Variants in GRM3 observed in about 807,000 individuals in gnomAD.
GRM3 encodes metabotropic glutamate receptor 3.
In GRM3, 26 loss-of-function variants were observed where a neutral mutation model predicts 70.5. That is an observed-to-expected ratio of 0.37 (90% CI 0.27 to 0.51). The LOEUF (loss-of-function observed/expected upper bound fraction) is 0.51. GRM3 is among the 20% of genes least tolerant of loss of function. The pLI is 0.93. For missense variants in GRM3, 859 were observed against 1,123.8 expected, an observed-to-expected ratio of 0.76 and a Z score of 3.37; for synonymous variants, 443 against 434.9, an observed-to-expected ratio of 1.02 and a Z score of -0.23.
chr7:86,679,915 A>G (rs1794403286), intron 1 of GRM3, among the ~76,000 whole-genome samples: 1 of 152,236 alleles, frequency 6.6e-6, no homozygotes, highest in East Asian at 1.9e-4. Flanking sequence ...TTCAACATGA[A>G]CTTTGTTTTC....
chr7:86,842,100 C>A (rs1234353728), intron 4 of GRM3, among the ~76,000 whole-genome samples: 1 of 152,102 alleles, frequency 6.6e-6, no homozygotes, highest in East Asian at 1.9e-4. Context: ...AATATTGATA[C>A]CTGGGACACA....
intron 3 of GRM3, among the ~76,000 whole-genome samples, chr7:86,836,474 T>C (rs971689645): frequency 2.0e-5 from 3 of 152,200 alleles, no homozygotes; most frequent in Non-Finnish European, 4.4e-5. Context: ...TCTCAATATT[T>C]CACTAAGTAA....
chr7:86,820,948 T>C (rs1179023926), intron 3 of GRM3, among the ~76,000 whole-genome samples: 6 of 152,200 alleles, frequency 3.9e-5, no homozygotes, highest in Admixed American at 6.5e-5. Flanking sequence ...TCTTTCTTTC[T>C]TACTTCAAAG....
At chr7:86,654,223 T>G (rs1249780886) in intron 1 of GRM3, among the ~76,000 whole-genome samples, 1 of 152,096 alleles carries the variant, frequency 6.6e-6, no homozygotes, top group East Asian at 1.9e-4. Context: ...CAGCTTTACC[T>G]CCCAGGGGTT....
intron 1 of GRM3, among the ~76,000 whole-genome samples, chr7:86,726,742 C>G (rs1795601950): frequency 6.6e-6 from 1 of 152,180 alleles, no homozygotes; most frequent in Non-Finnish European, 1.5e-5. Flanking sequence ...TCTTTAAAGT[C>G]CCATTAACTT....
rs2116549861 is a variant in GRM3 at position 86,786,993 on chromosome 7, G to A, written c.1201G>A (p.Ala401Thr). ...MFVVNAVYAM[A>T]HALHKMQRTL... ...TGTGGTGAACGCGGTGTATGCCATG[G>A]CCCACGCTTTGCACAAAATGCAGCG... Residue 401 changes from alanine (A) to threonine (T), a missense_variant, in exon 3 of 6, where the codon GCC (alanine) becomes ACC (threonine). Physicochemically the swap from Ala to Thr is moderately conservative, Grantham distance 58. Coordinates refer to ENST00000361669, the MANE Select transcript of GRM3 (RefSeq NM_000840.3). The surrounding 1 kb of genome is among the most constrained non-coding windows in gnomAD (Gnocchi z 6.0). 2 of 1,614,086 alleles carry A rather than the reference G, an allele frequency of 1.2e-6. No individual in the cohort carries two copies. Among genetic ancestry groups the A allele is most frequent in the Non-Finnish European group, 8.5e-7 (1 of 1,179,992 alleles).
intron 1 of GRM3, among the ~76,000 whole-genome samples, chr7:86,706,982 T>C (rs1399123587): frequency 3.3e-5 from 5 of 152,050 alleles, no homozygotes; most frequent in African/African-American, 4.8e-5. Flanking sequence ...ATCGAACATA[T>C]CTCTGCTGCT....
intron 3 of GRM3, among the ~76,000 whole-genome samples, chr7:86,794,226 T>G (rs1397521385): frequency 6.6e-6 from 1 of 152,132 alleles, no homozygotes; most frequent in Non-Finnish European, 1.5e-5. Context: ...AAAACATAGT[T>G]TTTTCCACTT....
At chr7:86,844,102 G>A (rs751080580) in intron 4 of GRM3, among the ~76,000 whole-genome samples, 1 of 152,168 alleles carries the variant, frequency 6.6e-6, no homozygotes, top group Non-Finnish European at 1.5e-5. Flanking sequence ...AGAGTAGGCA[G>A]AGTCTTGGGA....
chr7:86,745,080 T>C (rs1796071640), intron 1 of GRM3, among the ~76,000 whole-genome samples: 1 of 152,112 alleles, frequency 6.6e-6, no homozygotes, highest in South Asian at 2.1e-4. Flanking sequence ...CTTACGGAAA[T>C]TTCCCTTCCA....
chr7:86,839,420 C>G lies in GRM3; in HGVS notation c.1906C>G (p.Pro636Ala). The stretch of plus-strand genomic sequence containing the variant: ...CATGACATTCTTCTTCATTGCCAAG[C>G]CATCACCAGTCATCTGTGCATTGCG... ...YCMTFFFIAKPSPVICALRRL... is the reference protein window; with the variant it reads ...YCMTFFFIAKASPVICALRRL... The change falls in exon 4 of 6, where the codon CCA becomes GCA. Residue 636 changes from proline (P) to alanine (A), a missense_variant. Physicochemically the swap from Pro to Ala is conservative, Grantham distance 27 (BLOSUM62 -1). Transcript: ENST00000361669. This position sits in a 1 kb window ranked among gnomAD's most constrained non-coding sequence, Gnocchi z 4.5. The G allele has an allele frequency of 6.2e-7, 1 of 1,613,904 alleles. No individual in the cohort carries two copies. Among genetic ancestry groups the G allele is most frequent in the Non-Finnish European group, 8.5e-7 (1 of 1,179,838 alleles).
Position 86,649,072 on chromosome 7 carries a change from A to G in GRM3, c.-141+4200A>G, listed in dbSNP as rs1793546383. ...TGGAAACACTCACGTGGATTAGGTT[A>G]AGAAATCAAGGAGGAGACATCTTTC... On this transcript the variant is annotated intron_variant, in intron 1 of 5. Transcript: ENST00000361669. Among the ~76,000 whole-genome samples, 3 of 152,194 alleles carry G rather than the reference A, an allele frequency of 2.0e-5. No homozygotes were observed. In the South Asian group the frequency reaches 6.2e-4, roughly 31 times the overall value.
At chr7:86,754,042 C>A (rs571783045) in intron 1 of GRM3, among the ~76,000 whole-genome samples, 3 of 152,218 alleles carry the variant, frequency 2.0e-5, no homozygotes, top group Admixed American at 2.0e-4. Context: ...AAAATATGTT[C>A]TAAGGTCACT....
At chr7:86,864,208 T>C (rs1799017749) in intron 5 of GRM3, 74 bp from the exon 6 acceptor site, 7 of 795,388 alleles carry the variant, frequency 8.8e-6, no homozygotes, top group Admixed American at 3.4e-5. Flanking sequence ...CCAAAGTCCA[T>C]TGTATCCTTC....
chr7:86,806,918 T>G (rs1797805296), intron 3 of GRM3, among the ~76,000 whole-genome samples: 1 of 150,960 alleles, frequency 6.6e-6, no homozygotes, highest in African/African-American at 2.5e-5. Flanking sequence ...GAATTAATTT[T>G]TGTATAAGGT....
chr7:86,743,627 T>C (rs1796038931), intron 1 of GRM3, among the ~76,000 whole-genome samples: 1 of 152,136 alleles, frequency 6.6e-6, no homozygotes. Flanking sequence ...TCATACCTCT[T>C]AGATTCTAGA....
At chr7:86,751,211 G>T (rs1287374306) in intron 1 of GRM3, among the ~76,000 whole-genome samples, 1 of 152,068 alleles carries the variant, frequency 6.6e-6, no homozygotes, top group Non-Finnish European at 1.5e-5. Context: ...TGCCCATCCA[G>T]TTGGAAATGG....
At chr7:86,846,147 C>G (rs141984362) in intron 4 of GRM3, among the ~76,000 whole-genome samples, 1 of 152,120 alleles carries the variant, frequency 6.6e-6, no homozygotes, top group Admixed American at 6.6e-5. Context: ...CACTGTAAAC[C>G]AATCCAGGTG....
intron 1 of GRM3, among the ~76,000 whole-genome samples, chr7:86,740,896 C>T (rs2116320154): frequency 6.6e-6 from 1 of 152,240 alleles, no homozygotes; most frequent in South Asian, 2.1e-4. Flanking sequence ...TTACTTAGCA[C>T]ATTGTGGAGC....
Sources: gnomAD v4.1 joint callset for allele counts (sites outside exome capture counted in the v4.1 genomes callset) on GRCh38, gnomAD v4.1.1 for gene constraint, Gnocchi (gnomAD v3.1) non-coding constraint, MANE v1.5 for transcripts, NCBI Gene and HGNC (gene_info 2026-07-23, HGNC 2026-07-21) for gene names.